Variants in PCDHA8 observed in about 807,000 individuals in gnomAD.
The protein encoded by PCDHA8 is protocadherin alpha 8.
Under a neutral mutation model 61.8 loss-of-function variants are expected in PCDHA8, and 53 were observed. The ratio of observed to expected loss-of-function variants is 0.86; its 90% CI spans 0.69 to 1.08. PCDHA8 has a LOEUF of 1.08. PCDHA8 is among the 50% of genes least tolerant of loss of function. The pLI is 0.00. For synonymous variants in PCDHA8, 618 were observed against 556.6 expected, an observed-to-expected ratio of 1.11 and a Z score of -1.55; for missense variants, 1,293 against 1,245.0, an observed-to-expected ratio of 1.04 and a Z score of -0.58.
chr5:140,967,737 A>G, intron 1 of PCDHA8: 1 of 1,614,170 alleles, frequency 6.2e-7, no homozygotes, highest in Non-Finnish European at 8.5e-7. Flanking sequence ...GGGGGGCTGG[A>G]TTATGAGGAA....
chr5:140,863,164 G>A, intron 1 of PCDHA8: 2 of 661,250 alleles, frequency 3.0e-6, no homozygotes, highest in Non-Finnish European at 5.5e-6. Flanking sequence ...CTGCGAGCTG[G>A]CGCTGACTGC....
At position 140,853,802 on chromosome 5, in the gene PCDHA8, G is replaced by T. The variant is rs10054866; in HGVS notation, c.2394+10087G>T. The T allele has an allele frequency of 3.5e-3, 3,416 of 986,938 alleles. 247 individuals are homozygous for T. The African/African-American group carries it at 0.056, about 16-fold the overall frequency. 61.1% of individuals were successfully genotyped at this position (986,938 alleles called of 1,614,324 possible). Reference sequence around the variant, plus strand: ...AGTAAGAGCAAATTTTCATTTTAAAGCACACCTGAGATGATTCTCATACAA... The same window carrying T: ...AGTAAGAGCAAATTTTCATTTTAAATCACACCTGAGATGATTCTCATACAA... On this transcript the variant is annotated intron_variant, in intron 1 of 3. Coordinates refer to ENST00000531613, the MANE Select transcript of PCDHA8 (RefSeq NM_018911.3).
intron 1 of PCDHA8, among the ~76,000 whole-genome samples, chr5:140,952,560 C>T (rs536018099): frequency 5.2e-4 from 79 of 152,304 alleles, no homozygotes; most frequent in Non-Finnish European, 1.0e-3. Context: ...TCACTATCAG[C>T]ACTTCGGTCC....
intron 1 of PCDHA8, chr5:140,883,378 C>G (rs782530143): frequency 6.2e-7 from 1 of 1,614,146 alleles, no homozygotes; most frequent in Non-Finnish European, 8.5e-7. Context: ...CCATTATTGC[C>G]CTAATCAGTG....
chr5:140,928,108 G>A (rs782166106), intron 1 of PCDHA8: 5 of 1,614,072 alleles, frequency 3.1e-6, no homozygotes, highest in Admixed American at 3.3e-5. Context: ...CCTGGACCGG[G>A]AGCAGATCAG....
chr5:140,954,909 T>C (rs1309101151), intron 1 of PCDHA8, among the ~76,000 whole-genome samples: 3 of 152,164 alleles, frequency 2.0e-5, no homozygotes, highest in Admixed American at 6.5e-5. Flanking sequence ...TTTCATACTT[T>C]TATGAATTAC....
intron 1 of PCDHA8, chr5:140,857,533 G>T: frequency 6.3e-7 from 1 of 1,597,578 alleles, no homozygotes. Flanking sequence ...CTCTGGTGGA[G>T]CGGCGGTTGG....
At chr5:140,876,215 A>G in intron 1 of PCDHA8, 1 of 1,614,008 alleles carries the variant, frequency 6.2e-7, no homozygotes, top group South Asian at 1.1e-5. Context: ...CCCAGCTATA[A>G]AGTAGTGTTG....
intron 1 of PCDHA8, among the ~76,000 whole-genome samples, chr5:140,920,560 C>T (rs1288031450): frequency 1.3e-5 from 2 of 152,168 alleles, no homozygotes; most frequent in Non-Finnish European, 2.9e-5. Flanking sequence ...AAGTGTGGCC[C>T]TTAGGCCAGG....
At chr5:140,929,782 A>G (rs574140858) in intron 1 of PCDHA8, 12 of 168,464 alleles carry the variant, frequency 7.1e-5, no homozygotes, top group Non-Finnish European at 1.6e-4. Context: ...AGATGTAAAA[A>G]TAAATTACAA....
chr5:140,909,545 C>T (rs2074570694), intron 1 of PCDHA8, among the ~76,000 whole-genome samples: 2 of 152,142 alleles, frequency 1.3e-5, no homozygotes, highest in African/African-American at 4.8e-5. Context: ...TTGATGGTGG[C>T]ACTAATCTCT....
intron 1 of PCDHA8, among the ~76,000 whole-genome samples, chr5:140,960,147 T>C (rs2095529138): frequency 6.6e-6 from 1 of 152,322 alleles, no homozygotes; most frequent in Admixed American, 6.5e-5. Context: ...TATTAATAGC[T>C]TGAGACTGAT....
intron 3 of PCDHA8, among the ~76,000 whole-genome samples, chr5:140,994,698 C>G (rs1238723224): frequency 6.6e-6 from 1 of 151,898 alleles, no homozygotes; most frequent in Non-Finnish European, 1.5e-5. Context: ...GAATGAGACC[C>G]TGTCTCAAAA....
intron 1 of PCDHA8, chr5:140,869,390 G>A: frequency 1.2e-6 from 2 of 1,614,230 alleles, no homozygotes; most frequent in Non-Finnish European, 1.7e-6. Flanking sequence ...GAGGAGCTGT[G>A]CGGGCAGAGC....
At chr5:140,997,251 G>T (rs1217959179) in intron 3 of PCDHA8, among the ~76,000 whole-genome samples, 2 of 152,060 alleles carry the variant, frequency 1.3e-5, no homozygotes, top group Non-Finnish European at 2.9e-5. Context: ...TTACTTTAGG[G>T]TTCACTCTTC....
intron 1 of PCDHA8, chr5:140,858,285 G>T: frequency 6.3e-7 from 1 of 1,597,520 alleles, no homozygotes; most frequent in Non-Finnish European, 8.6e-7. Flanking sequence ...GTGGGGAGCT[G>T]GTCTTACTCG....
intron 1 of PCDHA8, among the ~76,000 whole-genome samples, chr5:140,958,345 C>G (rs1220590485): frequency 6.6e-6 from 1 of 152,044 alleles, no homozygotes; most frequent in African/African-American, 2.4e-5. Flanking sequence ...ACAGGAAGTT[C>G]ACAGTCTGAC....
chr5:140,883,787 T>C (rs2059820580), intron 1 of PCDHA8: 2 of 1,612,408 alleles, frequency 1.2e-6, no homozygotes, highest in Non-Finnish European at 1.7e-6. Context: ...GCTGTCGAGC[T>C]ACGTGTCGGT....
At chr5:140,851,185 A>G in intron 1 of PCDHA8, 4 of 1,237,652 alleles carry the variant, frequency 3.2e-6, no homozygotes, top group Non-Finnish European at 4.1e-6. Flanking sequence ...TTGAAAACCA[A>G]TTTAGTTGTT....
Sources: gnomAD v4.1 joint callset for allele counts (sites outside exome capture counted in the v4.1 genomes callset) on GRCh38, gnomAD v4.1.1 for gene constraint, MANE v1.5 for transcripts, NCBI Gene and HGNC (gene_info 2026-07-23, HGNC 2026-07-21) for gene names.